Variants in COBL observed in about 807,000 individuals in gnomAD.
The protein encoded by COBL is cordon-bleu WH2 repeat protein.
Under a neutral mutation model 98.8 loss-of-function variants are expected in COBL, and 51 were observed. The ratio of observed to expected loss-of-function variants is 0.52; its 90% CI spans 0.41 to 0.65. The LOEUF (loss-of-function observed/expected upper bound fraction) is 0.65. Among genes scored for constraint, COBL ranks in the 30% least tolerant of loss-of-function variants. The pLI is 0.00. For synonymous variants in COBL, 634 were observed against 651.7 expected (o/e 0.97, Z 0.41); for missense variants, 1,617 against 1,617.5 (o/e 1.00, Z 0.01).
intron 1 of COBL, among the ~76,000 whole-genome samples, chr7:51,284,769 G>T (rs1487425276): frequency 2.0e-5 from 3 of 150,862 alleles, no homozygotes; most frequent in Non-Finnish European, 4.4e-5. Context: ...AGAGGTTGTG[G>T]TGAGCCAAGA....
intron 4 of COBL, 42 bp downstream of exon 4, chr7:51,190,808 G>A (rs200380025): frequency 3.1e-5 from 48 of 1,534,266 alleles, no homozygotes; most frequent in Admixed American, 1.9e-4. Flanking sequence ...CCGCGCATCC[G>A]TGTGATTATG....
intron 6 of COBL, among the ~76,000 whole-genome samples, chr7:51,108,480 T>C (rs1796522464): frequency 6.6e-6 from 1 of 152,180 alleles, no homozygotes; most frequent in African/African-American, 2.4e-5. Context: ...GTGCACACAG[T>C]TGGAGGTGCT....
intron 12 of COBL, chr7:51,022,708 T>C (rs1304213460): frequency 6.6e-6 from 1 of 152,246 alleles, no homozygotes; most frequent in Non-Finnish European, 1.5e-5. Flanking sequence ...AGGCCCTTCA[T>C]GACTCTGCAC....
chr7:51,057,393 T>C (rs976277473), intron 7 of COBL, among the ~76,000 whole-genome samples: 1 of 152,132 alleles, frequency 6.6e-6, no homozygotes, highest in African/African-American at 2.4e-5. Flanking sequence ...TGGAAGGTCC[T>C]GAAACATATC....
In COBL at chr7:51,017,048, TTTTC is replaced by T. The variant is rs1327436253; in HGVS notation, c.*499_*502del. The T allele has an allele frequency of 4.0e-5, 16 of 401,864 alleles. No homozygotes were observed. The highest frequency in any genetic ancestry group is 4.3e-5 in the Admixed American group (1 of 23,264). 24.9% of individuals were successfully genotyped at this position (401,864 alleles called of 1,614,324 possible). On this transcript the variant is annotated 3_prime_UTR_variant, in exon 13 of 13. Transcript: ENST00000265136. ...ACCTTTGAAAAGCCTCCCAATTTTT[TTTTC>T]TTACTACCAAAACACACAGCATCAT...
intron 1 of COBL, among the ~76,000 whole-genome samples, chr7:51,267,287 G>T (rs1390065199): frequency 6.6e-6 from 1 of 152,000 alleles, no homozygotes; most frequent in Non-Finnish European, 1.5e-5. Flanking sequence ...CTCTGTTCAG[G>T]CAGGCACTCT....
intron 7 of COBL, among the ~76,000 whole-genome samples, chr7:51,055,079 C>T (rs2128902266): frequency 6.6e-6 from 1 of 152,244 alleles, no homozygotes; most frequent in South Asian, 2.1e-4. Context: ...AGATATGACC[C>T]CAGGGTTGGC....
chr7:51,181,663 A>C (rs577260866), intron 5 of COBL, among the ~76,000 whole-genome samples: 70 of 152,308 alleles, frequency 4.6e-4, no homozygotes, highest in Middle Eastern at 6.8e-3. Flanking sequence ...TATCTATATT[A>C]ATTTTGAGTC....
At chr7:51,294,798 T>C (rs1801259513) in intron 1 of COBL, among the ~76,000 whole-genome samples, 1 of 152,124 alleles carries the variant, frequency 6.6e-6, no homozygotes, top group South Asian at 2.1e-4. Flanking sequence ...TCTAGCATTG[T>C]CCTTGTACAT....
chr7:51,209,936 G>C (rs1411808081), intron 2 of COBL, among the ~76,000 whole-genome samples: 1 of 152,200 alleles, frequency 6.6e-6, no homozygotes, highest in Non-Finnish European at 1.5e-5. Flanking sequence ...GGAGCATCTA[G>C]AGAGGTGAAA....
chr7:51,230,004 C>T (rs1260107262), intron 1 of COBL, among the ~76,000 whole-genome samples: 3 of 152,148 alleles, frequency 2.0e-5, no homozygotes, highest in African/African-American at 7.2e-5. Flanking sequence ...CTTATCTGTG[C>T]AGGCTGCAGT....
Position 51,025,154 on chromosome 7 carries a change from C to T in COBL, c.3723G>A (p.Leu1241=), listed in dbSNP as rs1333192461. The T allele has an allele frequency of 1.2e-6, 2 of 1,611,318 alleles. No homozygotes were observed. Among genetic ancestry groups the T allele is most frequent in the African/African-American group, 1.3e-5 (1 of 74,690 alleles). Residue 1241 remains leucine, a synonymous_variant, in exon 12 of 13, where the codon TTG becomes TTA. Coordinates refer to ENST00000265136, the MANE Select transcript of COBL (RefSeq NM_015198.5). The stretch of plus-strand genomic sequence containing the variant: ...CTGTGCCGGAGCGGATGGCGTCCAT[C>T]AAGGCTTGCCTTGCGTCTGCGGTGT... ...LSNTADARQA[L]MDAIRSGTGA...
intron 1 of COBL, chr7:51,259,875 T>C (rs1464545545): frequency 7.9e-6 from 6 of 756,766 alleles, no homozygotes; most frequent in South Asian, 5.4e-5. Flanking sequence ...AGTAAACTCA[T>C]GTCATTAATC....
At chr7:51,279,791 C>T (rs1799651170) in intron 1 of COBL, among the ~76,000 whole-genome samples, 1 of 152,214 alleles carries the variant, frequency 6.6e-6, no homozygotes. Context: ...TTTCCCCCTC[C>T]TGACCCCTGG....
chr7:51,016,997 C>T lies in COBL; in HGVS notation c.*554G>A. On this transcript the variant is annotated 3_prime_UTR_variant, in exon 13 of 13. Coordinates refer to ENST00000265136, the MANE Select transcript of COBL (RefSeq NM_015198.5). ...CCCAAATATTTGAGGAAGAAGAATCCAGCAGTTTTACTACCTAACAAAGCC... is the reference window on the plus strand; with the variant it reads ...CCCAAATATTTGAGGAAGAAGAATCTAGCAGTTTTACTACCTAACAAAGCC... 5.0e-6 allele frequency: 2 copies of T among 403,690 alleles called. No individual in the cohort carries two copies. The highest frequency in any genetic ancestry group is 8.7e-6 in the Non-Finnish European group (2 of 229,450). 25.0% of individuals were successfully genotyped at this position (403,690 alleles called of 1,614,324 possible). A position where few individuals can be genotyped will look rare whatever the true frequency, so the allele number is the denominator to read the frequency against.
intron 5 of COBL, among the ~76,000 whole-genome samples, chr7:51,144,293 C>T (rs558634922): frequency 1.3e-5 from 2 of 152,246 alleles, no homozygotes; most frequent in East Asian, 3.9e-4. Context: ...ATTACATGGT[C>T]CTCATTTCAC....
chr7:51,255,608 C>T (rs1249629142), intron 1 of COBL, among the ~76,000 whole-genome samples: 5 of 152,224 alleles, frequency 3.3e-5, no homozygotes, highest in Admixed American at 1.3e-4. Context: ...ACTGAGCATA[C>T]TCTAGCAATG....
chr7:51,090,591 C>T (rs534553052), intron 6 of COBL, among the ~76,000 whole-genome samples: 1 of 152,282 alleles, frequency 6.6e-6, no homozygotes, highest in South Asian at 2.1e-4. Context: ...CTGGGAGCTA[C>T]TGAGAAAAAA....
At chr7:51,069,838 G>C (rs1233643918) in intron 7 of COBL, among the ~76,000 whole-genome samples, 1 of 152,156 alleles carries the variant, frequency 6.6e-6, no homozygotes, top group Non-Finnish European at 1.5e-5. Context: ...TTCCATTTGC[G>C]TTTGGGTTTT....
Sources: gnomAD v4.1 joint callset for allele counts (sites outside exome capture counted in the v4.1 genomes callset) on GRCh38, gnomAD v4.1.1 for gene constraint, MANE v1.5 for transcripts, NCBI Gene and HGNC (gene_info 2026-07-23, HGNC 2026-07-21) for gene names.